The following CDK16 variants were observed in gnomAD, a reference collection of about 807,000 sequenced individuals.
CDK16 encodes cyclin dependent kinase 16.
CDK16 carries 2 observed loss-of-function variants against 41.6 expected under a neutral mutation model. The ratio of observed to expected loss-of-function variants is 0.05; its 90% confidence interval spans 0.02 to 0.15. The LOEUF (loss-of-function observed/expected upper bound fraction) is 0.15. Ranked by LOEUF, CDK16 falls within the 10% of genes least tolerant of loss-of-function variation. CDK16 has a pLI of 1.00. For synonymous variants in CDK16, 169 were observed against 169.7 expected (o/e 1.00, Z 0.03); for missense variants, 228 against 428.9 (o/e 0.53, Z 4.14).
intron 14 of CDK16, 102 bp downstream of exon 14, chrX:47,227,571 A>T: frequency 1.9e-6 from 1 of 530,997 alleles, no homozygotes; most frequent in Admixed American, 3.0e-5. Context: ...TGCCACCTCT[A>T]CGTGGGGGGA....
intron 14 of CDK16, 43 bp downstream of exon 14, chrX:47,227,512 G>A (rs1418418455): frequency 9.9e-7 from 1 of 1,011,572 alleles, no homozygotes; most frequent in Non-Finnish European, 1.4e-6. Flanking sequence ...TGGGGACTGG[G>A]AAACAGGACT....
intron 9 of CDK16, 43 bp from the exon 10 acceptor site, chrX:47,226,540 C>T (rs1203399326): frequency 5.0e-6 from 6 of 1,203,085 alleles, no homozygotes; most frequent in Non-Finnish European, 6.7e-6. Context: ...CGAGACTTTG[C>T]CCATGACTCC....
At chrX:47,227,644 C>T (rs372321340) in intron 14 of CDK16, 175 bp downstream of exon 14, 2 of 434,549 alleles carry the variant, frequency 4.6e-6, no homozygotes, top group South Asian at 3.9e-5. Flanking sequence ...TTTTCAGTTC[C>T]TTTTACCTTT....
intron 1 of CDK16, chrX:47,222,816 G>T (rs1937393251): frequency 5.6e-6 from 2 of 356,298 alleles, no homozygotes; most frequent in Non-Finnish European, 9.8e-6. Context: ...TAAAAGTCTA[G>T]ATTGGACCCT....
At chrX:47,218,667 G>C, upstream of CDK16, 1 of 1,168,248 alleles carries the variant, frequency 8.6e-7, no homozygotes, top group South Asian at 1.9e-5. Flanking sequence ...AGTCCGAGGT[G>C]AGTCCCCTCC....
rs377467799 is a variant in CDK16 at position 47,228,621 on chromosome X, G to A, written c.1430G>A (p.Arg477Gln). The A allele has an allele frequency of 1.2e-5, 15 of 1,209,095 alleles. No homozygotes were observed. Among genetic ancestry groups the A allele is most frequent in the Admixed American group, 4.4e-5 (2 of 45,791 alleles). The change falls in exon 15 of 16, where the codon CGG becomes CAG. Residue 477 changes from arginine to glutamine, a missense_variant. By Grantham distance (43) the Arg-to-Gln change is conservative (BLOSUM62 1). Around this residue, in one of 3 missense-constraint regions of CDK16, gnomAD observed 91 missense variants for 129.5 expected, o/e 0.70. Coordinates refer to ENST00000357227, the MANE Select transcript of CDK16 (RefSeq NM_006201.5). ...CAGCTACAAAAGGAGGCCAGCCTTCGGTCTTCGTCGATGCCTGACTCAGGT... is the reference window on the plus strand; with the variant it reads ...CAGCTACAAAAGGAGGCCAGCCTTCAGTCTTCGTCGATGCCTGACTCAGGT... ...EIQLQKEASL[R>Q]SSSMPDSGRP...
intron 14 of CDK16, chrX:47,227,833 AG>A (rs1039126215): frequency 6.4e-6 from 1 of 156,080 alleles, no homozygotes; most frequent in African/African-American, 3.1e-5. Flanking sequence ...GAATGTTAAA[AG>A]CTCCCCACCC....
chrX:47,223,090 G>A, intron 1 of CDK16: 2 of 1,155,758 alleles, frequency 1.7e-6, no homozygotes, highest in Non-Finnish European at 2.3e-6. Context: ...TGGTGCTAGG[G>A]GAACTATGCC....
At chrX:47,225,898 A>G (rs1230370124) in intron 7 of CDK16, 32 bp downstream of exon 7, 24 of 1,186,051 alleles carry the variant, frequency 2.0e-5, no homozygotes, top group Non-Finnish European at 2.7e-5. Context: ...TCCCAGGGGG[A>G]GGTGAGGAGA....
At chrX:47,221,131 G>A (rs1937321755) in intron 1 of CDK16, among the ~76,000 whole-genome samples, 1 of 111,107 alleles carries the variant, frequency 9.0e-6, no homozygotes, top group Admixed American at 9.5e-5. Flanking sequence ...TATTAATGGG[G>A]ATCAGGACAT....
Position 47,225,014 on chromosome X carries a change from C to T in CDK16, c.546C>T (p.Gly182=), listed in dbSNP as rs747099075. 1 of 1,208,181 alleles carries T rather than the reference C, an allele frequency of 8.3e-7. No homozygotes were observed. Among genetic ancestry groups the T allele is most frequent in the East Asian group, 3.0e-5 (1 of 33,737 alleles). ...GTACCTATGCCACCGTCTACAAAGGCAAAAGCAAGCTCACAGACAACCTTG... is the reference window on the plus strand; with the variant it reads ...GTACCTATGCCACCGTCTACAAAGGTAAAAGCAAGCTCACAGACAACCTTG... The part of the protein sequence containing the change: ...GEGTYATVYK[G]KSKLTDNLVA... The change falls in exon 6 of 16, where the codon GGC becomes GGT. Residue 182 remains glycine (G), a synonymous_variant. Transcript: ENST00000357227.
chrX:47,226,527 C>G (rs1937550244), intron 9 of CDK16, 56 bp from the exon 10 acceptor site: 2 of 1,200,378 alleles, frequency 1.7e-6, no homozygotes, highest in Non-Finnish European at 2.2e-6. Flanking sequence ...ACTGCACTCT[C>G]CCCGAGACTT....
In CDK16 at chrX:47,229,239, CT is replaced by C; in HGVS notation, c.*478del. 2.7e-5 allele frequency: 6 copies of C among 222,226 alleles called. No individual in the cohort carries two copies. The highest frequency in any genetic ancestry group is 3.3e-5 in the Non-Finnish European group (4 of 122,629). The allele number at this position is 222,226 out of a possible 1,213,427, so 18.3% of individuals were successfully genotyped here. ...CCCACCTGCCTCATATTGTGTGGGC[CT>C]TTTTTTGTTTGTTTCATTCATTGTT... is the stretch of plus-strand genomic sequence containing the variant. On this transcript the variant is annotated 3_prime_UTR_variant, in exon 16 of 16. Coordinates refer to ENST00000357227, the MANE Select transcript of CDK16 (RefSeq NM_006201.5).
chrX:47,226,165 T>G, intron 8 of CDK16, 114 bp from the exon 9 acceptor site: 1 of 1,136,134 alleles, frequency 8.8e-7, no homozygotes, highest in Non-Finnish European at 1.2e-6. Flanking sequence ...CCTGTCCTCT[T>G]TTGTGTGACA....
Sources: allele counts gnomAD v4.1 joint callset (sites outside exome capture counted in the v4.1 genomes callset), GRCh38; gene constraint gnomAD v4.1.1; regional missense constraint gnomAD v4.1.1; transcripts MANE v1.5; gene names NCBI Gene and HGNC (gene_info 2026-07-23, HGNC 2026-07-21).